The following C2orf76 variants were observed in gnomAD, a reference collection of about 807,000 sequenced individuals.
C2orf76 encodes the protein UPF0538 protein C2orf76.
A neutral mutation model predicts 16.9 loss-of-function variants in C2orf76; 23 were observed. The ratio of observed to expected loss-of-function variants is 1.36; its 90% CI spans 0.98 to 1.93. The LOEUF is 1.93. Among genes scored for constraint, C2orf76 ranks in the 30% most tolerant of loss-of-function variants. C2orf76 has a pLI of 0.00. For synonymous variants in C2orf76, 48 were observed against 52.3 expected (o/e 0.92, Z 0.35); for missense variants, 152 against 152.6 (o/e 1.00, Z 0.02).
intron 4 of C2orf76, among the ~76,000 whole-genome samples, chr2:119,315,700 T>C (rs1679146970): frequency 1.3e-5 from 2 of 152,210 alleles, no homozygotes; most frequent in African/African-American, 4.8e-5. Context: ...TCAAAGTTCA[T>C]AAAGCCAGAT....
At chr2:119,327,467 T>C (rs958624486) in intron 2 of C2orf76, among the ~76,000 whole-genome samples, 2 of 150,872 alleles carry the variant, frequency 1.3e-5, no homozygotes, top group East Asian at 1.9e-4. Context: ...ACCTCCAAAG[T>C]TGGCGATGAG....
intron 2 of C2orf76, among the ~76,000 whole-genome samples, chr2:119,328,640 G>A (rs1341299632): frequency 6.6e-6 from 1 of 151,846 alleles, no homozygotes. Context: ...ATTATTTTAG[G>A]TTTCATTTGC....
At chr2:119,282,032 G>C in the C2orf76 span, among the ~76,000 whole-genome samples, 1 of 152,050 alleles carries the variant, frequency 6.6e-6, no homozygotes, top group Non-Finnish European at 1.5e-5. Context: ...TGCAATCCCA[G>C]CTACTCGGGA....
At chr2:119,321,011 A>G (rs2104565658) in intron 3 of C2orf76, 143 bp downstream of exon 3, 2 of 455,398 alleles carry the variant, frequency 4.4e-6, no homozygotes, top group East Asian at 7.6e-5. Flanking sequence ...TCAGCAATAT[A>G]CTAGCATTCC....
chr2:119,367,061 G>A (rs1156395228), upstream of C2orf76: 7 of 1,613,960 alleles, frequency 4.3e-6, no homozygotes, highest in South Asian at 6.6e-5. Flanking sequence ...GATGTCTCAG[G>A]TACAGCGCGT....
At chr2:119,341,730 G>GA (rs914915179) in intron 1 of C2orf76, among the ~76,000 whole-genome samples, 17 of 151,718 alleles carry the variant, frequency 1.1e-4, no homozygotes, top group African/African-American at 2.9e-4. Flanking sequence ...GTAAGTACTA[G>GA]AAAAAAAATA....
chr2:119,325,170 T>C (rs1373351482), intron 2 of C2orf76, among the ~76,000 whole-genome samples: 1 of 151,778 alleles, frequency 6.6e-6, no homozygotes, highest in Non-Finnish European at 1.5e-5. Context: ...ACCCTGTCTC[T>C]ACAAAAATAA....
the C2orf76 span, among the ~76,000 whole-genome samples, chr2:119,291,778 C>G: frequency 6.6e-6 from 1 of 151,980 alleles, no homozygotes; most frequent in Non-Finnish European, 1.5e-5. Flanking sequence ...TCTCTCTGCG[C>G]GATGGGATTA....
At chr2:119,355,783 C>G (rs1680551214) in intron 1 of C2orf76, among the ~76,000 whole-genome samples, 1 of 152,084 alleles carries the variant, frequency 6.6e-6, no homozygotes, top group South Asian at 2.1e-4. Flanking sequence ...TGAAACCGGT[C>G]CCTGGTGCCA....
chr2:119,301,584 G>A (rs1477624881), downstream of C2orf76, among the ~76,000 whole-genome samples: 2 of 152,138 alleles, frequency 1.3e-5, no homozygotes, highest in Non-Finnish European at 2.9e-5. Flanking sequence ...CAGGACTCAG[G>A]GAGCAATGGC....
chr2:119,353,556 C>CTTTT (rs755724739), intron 1 of C2orf76, among the ~76,000 whole-genome samples: 5 of 124,586 alleles, frequency 4.0e-5, no homozygotes, highest in African/African-American at 1.2e-4. Context: ...CAAGAATTTT[C>CTTTT]TTTTTTTTTT....
the C2orf76 span, among the ~76,000 whole-genome samples, chr2:119,294,105 C>T: frequency 2.0e-5 from 3 of 152,088 alleles, no homozygotes; most frequent in Admixed American, 2.0e-4. Flanking sequence ...GGACCGAGCC[C>T]TGGGGCCTTC....
At chr2:119,294,349 G>A in the C2orf76 span, among the ~76,000 whole-genome samples, 2 of 152,166 alleles carry the variant, frequency 1.3e-5, no homozygotes, top group Non-Finnish European at 2.9e-5. Context: ...AGCCCTCATG[G>A]AGGAAAGAGG....
intron 3 of C2orf76, among the ~76,000 whole-genome samples, chr2:119,319,913 GA>G (rs1224038948): frequency 6.6e-6 from 1 of 152,178 alleles, no homozygotes; most frequent in African/African-American, 2.4e-5. Context: ...ACAGAAAGCA[GA>G]AGATTGTTAA....
intron 5 of C2orf76, among the ~76,000 whole-genome samples, chr2:119,308,459 G>A (rs1678869068): frequency 1.3e-5 from 2 of 150,210 alleles, no homozygotes; most frequent in Admixed American, 6.6e-5. Context: ...GGCCAATATG[G>A]CAAAACCCGG....
At chr2:119,286,261 G>A in the C2orf76 span, among the ~76,000 whole-genome samples, 3 of 149,668 alleles carry the variant, frequency 2.0e-5, no homozygotes, top group African/African-American at 7.5e-5. Context: ...AGGCCACAGT[G>A]TGTGATCAGT....
the C2orf76 span, among the ~76,000 whole-genome samples, chr2:119,289,111 C>G: frequency 6.6e-6 from 1 of 152,118 alleles, no homozygotes; most frequent in Non-Finnish European, 1.5e-5. Flanking sequence ...AGAAACTACT[C>G]TGTCCCTTTG....
At chr2:119,340,131 C>T (rs1679979788) in intron 1 of C2orf76, 160 bp from the exon 2 acceptor site, 3 of 680,056 alleles carry the variant, frequency 4.4e-6, no homozygotes, top group African/African-American at 1.8e-5. Context: ...TCCAGAGTCC[C>T]CAGAAGGGTC....
At chr2:119,319,095 C>T (rs912126385) in intron 3 of C2orf76, among the ~76,000 whole-genome samples, 3 of 151,952 alleles carry the variant, frequency 2.0e-5, no homozygotes, top group Non-Finnish European at 4.4e-5. Flanking sequence ...TTTAAAATAA[C>T]AGGAGCTCAA....
Sources: gnomAD v4.1 joint callset for allele counts (sites outside exome capture counted in the v4.1 genomes callset) on GRCh38, gnomAD v4.1.1 for gene constraint, MANE v1.5 for transcripts, NCBI Gene and HGNC (gene_info 2026-07-23, HGNC 2026-07-21) for gene names.